Variants in ZNF674 observed in about 807,000 individuals in gnomAD.
ZNF674 encodes the protein zinc finger family member 674.
In ZNF674, 2 loss-of-function variants were observed where a neutral mutation model predicts 7.0. That is an observed-to-expected ratio of 0.29 (90% CI 0.12 to 0.90). ZNF674 has a LOEUF of 0.90. ZNF674 is among the 40% of genes least tolerant of loss of function. The probability of loss-of-function intolerance (pLI) is 0.57; values close to 1 mark genes in which losing one functional copy is unlikely to be tolerated. For missense variants in ZNF674, 297 were observed against 415.5 expected (o/e 0.71, Z 2.48); for synonymous variants, 103 against 145.2 (o/e 0.71, Z 2.09).
intron 5 of ZNF674, among the ~76,000 whole-genome samples, chrX:46,511,326 A>G (rs1167265056): frequency 2.7e-5 from 3 of 112,141 alleles, no homozygotes; most frequent in African/African-American, 9.7e-5. Flanking sequence ...TGTACACATG[A>G]TTTTATGAAT....
rs374970321 is a variant in ZNF674 at position 46,535,232 on chromosome X, G to C, written c.16-6323C>G. Among the ~76,000 whole-genome samples, 413 of 109,890 alleles carry C rather than the reference G, an allele frequency of 3.8e-3. 3 individuals are homozygous for C. The highest frequency in any genetic ancestry group is 0.013 in the African/African-American group (397 of 30,169). On this transcript the variant is annotated intron_variant, in intron 3 of 5. Coordinates refer to ENST00000683375, the MANE Select transcript of ZNF674 (RefSeq NM_001190417.2). ...CATGCTCACAGATCACTGCAGCCTC[G>C]ACCTCCTGGGCTCAAGCGATCCTCC...
chrX:46,530,099 C>T (rs1352590582), intron 3 of ZNF674, among the ~76,000 whole-genome samples: 1 of 111,679 alleles, frequency 9.0e-6, no homozygotes, highest in Non-Finnish European at 1.9e-5. Flanking sequence ...ACTAATAACC[C>T]GCCTGTTTCT....
chrX:46,498,851 G>T lies in ZNF674; in HGVS notation c.*992C>A, dbSNP rs1387787448. 2 of 111,425 alleles carry T rather than the reference G, an allele frequency of 1.8e-5. No homozygotes were observed. The highest frequency in any genetic ancestry group is 6.5e-5 in the African/African-American group (2 of 30,686). 9.2% of individuals were successfully genotyped at this position (111,425 alleles called of 1,213,427 possible). On this transcript the variant is annotated 3_prime_UTR_variant, in exon 6 of 6. Transcript: ENST00000683375. ...GCAGAGGCTGCAGTGAGCCAAGATC[G>T]TGCCACTGCACTCCAGCCTGGGCGA...
At chrX:46,513,139 T>A (rs756377297) in intron 5 of ZNF674, among the ~76,000 whole-genome samples, 2 of 111,116 alleles carry the variant, frequency 1.8e-5, no homozygotes, top group Admixed American at 1.9e-4. Flanking sequence ...GGCACACACC[T>A]GTAGTCTCAG....
intron 3 of ZNF674, among the ~76,000 whole-genome samples, chrX:46,541,361 C>CA (rs34440167): frequency 0.022 from 1,197 of 54,647 alleles, 18 homozygotes; most frequent in East Asian, 0.048. Flanking sequence ...AACTCCGTCA[C>CA]AAAAAAAAAA....
At chrX:46,543,376 A>T (rs1268963350) in intron 2 of ZNF674, among the ~76,000 whole-genome samples, 1 of 112,579 alleles carries the variant, frequency 8.9e-6, no homozygotes, top group Non-Finnish European at 1.9e-5. Context: ...AAAATTTATT[A>T]AAAAATCACT....
intron 3 of ZNF674, among the ~76,000 whole-genome samples, chrX:46,531,030 C>T (rs906939334): frequency 8.9e-6 from 1 of 112,856 alleles, no homozygotes; most frequent in Non-Finnish European, 1.9e-5. Context: ...CTGCAGTGAG[C>T]CAAGACTGCA....
chrX:46,505,603 T>C (rs1312155888), intron 5 of ZNF674, among the ~76,000 whole-genome samples: 2 of 111,243 alleles, frequency 1.8e-5, no homozygotes, highest in Non-Finnish European at 3.8e-5. Flanking sequence ...AAACCCTGTC[T>C]CTACTAAAAA....
rs1461275084 is a variant in ZNF674 at position 46,536,886 on chromosome X, CCT to C, written c.15+5185_15+5186del. ...GACATTGCTTATGAGAAAAATGACCCCTGATTGGTAAATAATCTGCATGTGGA... is the reference window on the plus strand; with the variant it reads ...GACATTGCTTATGAGAAAAATGACCCGATTGGTAAATAATCTGCATGTGGA... On this transcript the variant is annotated intron_variant, in intron 3 of 5. Coordinates refer to ENST00000683375, the MANE Select transcript of ZNF674 (RefSeq NM_001190417.2). Among the ~76,000 whole-genome samples the C allele has an allele frequency of 6.2e-5, 7 of 112,446 alleles. No homozygotes were observed. In the East Asian group the frequency reaches 1.7e-3, roughly 27 times the overall value.
chrX:46,533,811 C>CAAAAAA (rs763490420), intron 3 of ZNF674, among the ~76,000 whole-genome samples: 10 of 23,906 alleles, frequency 4.2e-4, no homozygotes, highest in African/African-American at 1.7e-3. Context: ...GACCCTGTCT[C>CAAAAAA]AAAAAAAAAA....
rs1264415429 is a variant in ZNF674 at position 46,533,228 on chromosome X, C to T, written c.16-4319G>A. 2.7e-5 allele frequency among the ~76,000 whole-genome samples: 3 copies of T among 111,381 alleles called. No homozygotes were observed. In the Admixed American group the frequency reaches 2.9e-4, roughly 11 times the overall value. On this transcript the variant is annotated intron_variant, in intron 3 of 5. Transcript: ENST00000683375. Reference sequence around the variant, plus strand: ...CTGACGACCAGTGGCTCCACCAGGACTGGCCAACCTCCACCAACCGGTCCT... The same window carrying T: ...CTGACGACCAGTGGCTCCACCAGGATTGGCCAACCTCCACCAACCGGTCCT...
At chrX:46,507,236 C>T (rs190611121) in intron 5 of ZNF674, among the ~76,000 whole-genome samples, 1 of 111,049 alleles carries the variant, frequency 9.0e-6, no homozygotes, top group East Asian at 2.8e-4. Flanking sequence ...GCTATAGTCC[C>T]AGCTACTCGG....
rs898970500 is a variant in ZNF674 at position 46,515,625 on chromosome X, T to G, written c.238+12725A>C. 3.6e-5 allele frequency among the ~76,000 whole-genome samples: 4 copies of G among 111,225 alleles called. No individual in the cohort carries two copies. The East Asian group carries it at 1.1e-3, about 31-fold the overall frequency. On this transcript the variant is annotated intron_variant, in intron 5 of 5. Coordinates refer to ENST00000683375, the MANE Select transcript of ZNF674 (RefSeq NM_001190417.2). ...ACCAAACTGTTTGCTTTATTTTTTA[T>G]TTTTTGGAGACAGGGTCTTGCTCTA...
At chrX:46,525,785 C>T (rs1022894989) in intron 5 of ZNF674, among the ~76,000 whole-genome samples, 8 of 111,724 alleles carry the variant, frequency 7.2e-5, no homozygotes, top group Non-Finnish European at 7.5e-5. Flanking sequence ...AATATGTACA[C>T]TTAGAAAGGT....
At chrX:46,528,296 C>T (rs12849747) in intron 5 of ZNF674, 54 bp downstream of exon 5, 1 of 1,171,356 alleles carries the variant, frequency 8.5e-7, no homozygotes, top group East Asian at 3.0e-5. Context: ...GCCAAGCTCT[C>T]ACCAACCAAC....
chrX:46,523,962 G>A (rs183131441), intron 5 of ZNF674, among the ~76,000 whole-genome samples: 61 of 108,490 alleles, frequency 5.6e-4, no homozygotes, highest in Non-Finnish European at 1.2e-3. Context: ...AGAATTGCTC[G>A]AACCAAGAGG....
chrX:46,530,025 T>C (rs1942082644), intron 3 of ZNF674, among the ~76,000 whole-genome samples: 1 of 112,224 alleles, frequency 8.9e-6, no homozygotes, highest in Admixed American at 9.5e-5. Flanking sequence ...GAAAGGTCTG[T>C]GCTTGGCCTT....
Position 46,499,801 on chromosome X carries a change from G to A in ZNF674, c.*42C>T, listed in dbSNP as rs1941377751. 1.0e-6 allele frequency: 1 copy of A among 990,206 alleles called. No individual in the cohort carries two copies. The highest frequency in any genetic ancestry group is 2.8e-5 in the South Asian group (1 of 35,677). The allele number at this position is 990,206 out of a possible 1,213,427, so 81.6% of individuals were successfully genotyped here. A position where few individuals can be genotyped will look rare whatever the true frequency, so the allele number is the denominator to read the frequency against. ...ATAATGAGACTAGTAATAGTCAAAT[G>A]ACAAATAACTACTAGTATAATTATC... is the stretch of plus-strand genomic sequence containing the variant. On this transcript the variant is annotated 3_prime_UTR_variant, in exon 6 of 6. Transcript: ENST00000683375.
chrX:46,510,260 G>T (rs2146594483), intron 5 of ZNF674, among the ~76,000 whole-genome samples: 1 of 109,750 alleles, frequency 9.1e-6, no homozygotes, highest in African/African-American at 3.3e-5. Flanking sequence ...TGCACATTGT[G>T]CACATGTACC....
Sources: allele counts gnomAD v4.1 joint callset (sites outside exome capture counted in the v4.1 genomes callset), GRCh38; gene constraint gnomAD v4.1.1; transcripts MANE v1.5; gene names NCBI Gene and HGNC (gene_info 2026-07-23, HGNC 2026-07-21).